The following EEF2K variants were observed in gnomAD, a reference collection of about 807,000 sequenced individuals.
EEF2K encodes alternative protein EEF2K.
EEF2K carries 70 observed loss-of-function variants against 93.8 expected under a neutral mutation model. The observed-to-expected ratio is 0.75, with a 90% confidence interval of 0.62 to 0.91. The LOEUF is 0.91. Among genes scored for constraint, EEF2K ranks in the 40% least tolerant of loss-of-function variants. The pLI, the probability that EEF2K is intolerant of heterozygous loss-of-function variation, is 0.00. For missense variants in EEF2K, 935 were observed against 972.9 expected (o/e 0.96, Z 0.52); for synonymous variants, 376 against 380.8 (o/e 0.99, Z 0.15).
intron 3 of EEF2K, among the ~76,000 whole-genome samples, chr16:22,246,895 G>A (rs1318519259): frequency 6.6e-6 from 1 of 151,472 alleles, no homozygotes; most frequent in African/African-American, 2.4e-5. Context: ...AAAATTAGTT[G>A]GGCACGGTGG....
chr16:22,263,148 G>A lies in EEF2K; in HGVS notation c.1338G>A (p.Glu446=), dbSNP rs1182206098. The A allele has an allele frequency of 1.9e-6, 3 of 1,612,904 alleles. No homozygotes were observed. The highest frequency in any genetic ancestry group is 2.5e-6 in the Non-Finnish European group (3 of 1,179,464). Residue 446 remains glutamate, a synonymous_variant, in exon 12 of 18, where the codon GAG becomes GAA. Transcript: ENST00000263026. The stretch of plus-strand genomic sequence containing the variant: ...GTGGGGACAGCGGATACCCCAGTGA[G>A]AAGCGGGGTGAGCTGGATGACCCTG... ...ENSGDSGYPS[E]KRGELDDPEP...
intron 16 of EEF2K, among the ~76,000 whole-genome samples, chr16:22,276,990 G>A (rs920247558): frequency 1.2e-4 from 18 of 152,064 alleles, no homozygotes; most frequent in East Asian, 5.8e-4. Flanking sequence ...ACTTAAACCC[G>A]GGAGGCAGAG....
At position 22,264,917 on chromosome 16, in the gene EEF2K, C is replaced by G. The variant is rs750511014; in HGVS notation, c.1440+37C>G. The G allele has an allele frequency of 3.1e-6, 5 of 1,610,948 alleles. No homozygotes were observed. In the Admixed American group the frequency reaches 8.3e-5, roughly 27 times the overall value. ...TGAGGCACCCTTGTCTCTGCCTCTT[C>G]CCTGTCTCCTCCAGGCTCTGTTGCT... On this transcript the variant is annotated intron_variant, in intron 13 of 17. Transcript: ENST00000263026.
At chr16:22,224,725 G>A (rs113707836) in intron 1 of EEF2K, among the ~76,000 whole-genome samples, 1 of 152,174 alleles carries the variant, frequency 6.6e-6, no homozygotes, top group Non-Finnish European at 1.5e-5. Flanking sequence ...GGCCCAGGCA[G>A]GAGGATCACC....
intron 6 of EEF2K, among the ~76,000 whole-genome samples, chr16:22,252,314 C>G (rs1255360746): frequency 6.6e-6 from 1 of 152,196 alleles, no homozygotes; most frequent in Admixed American, 6.6e-5. Flanking sequence ...GAATCTTCCT[C>G]CATCTCTGGC....
chr16:22,245,845 ATG>A (rs1256992497), intron 3 of EEF2K, among the ~76,000 whole-genome samples: 1 of 152,026 alleles, frequency 6.6e-6, no homozygotes, highest in Non-Finnish European at 1.5e-5. Flanking sequence ...TGAGCTCAAA[ATG>A]TGTGGCGGTT....
chr16:22,282,206 A>G (rs1370192207), intron 17 of EEF2K, among the ~76,000 whole-genome samples: 2 of 152,214 alleles, frequency 1.3e-5, no homozygotes, highest in Non-Finnish European at 2.9e-5. Flanking sequence ...TCAAAAAACA[A>G]CAAAAAAAAT....
intron 2 of EEF2K, among the ~76,000 whole-genome samples, chr16:22,237,126 G>A (rs1332641987): frequency 6.6e-6 from 1 of 150,780 alleles, no homozygotes; most frequent in African/African-American, 2.4e-5. Context: ...TATATTTTTT[G>A]TAGAGAGGGG....
intron 16 of EEF2K, among the ~76,000 whole-genome samples, chr16:22,275,935 C>G (rs548645093): frequency 3.3e-5 from 5 of 151,880 alleles, no homozygotes; most frequent in African/African-American, 4.8e-5. Flanking sequence ...AGCCACCATG[C>G]CTGGCCTATT....
In EEF2K at chr16:22,285,914, G is replaced by C. The variant is rs187725588; in HGVS notation, c.*1918G>C. The C allele has an allele frequency of 2.6e-5, 4 of 151,968 alleles. No individual in the cohort carries two copies. Among genetic ancestry groups the C allele is most frequent in the African/African-American group, 9.7e-5 (4 of 41,368 alleles). 9.4% of individuals were successfully genotyped at this position (151,968 alleles called of 1,614,324 possible). A position where few individuals can be genotyped will look rare whatever the true frequency, so the allele number is the denominator to read the frequency against. The stretch of plus-strand genomic sequence containing the variant: ...TCACTGTGTTGCCCAGGCTGGTCTC[G>C]AACTCCTGGACTTAAGTGAGCCTCC... On this transcript the variant is annotated 3_prime_UTR_variant, in exon 18 of 18. Coordinates refer to ENST00000263026, the MANE Select transcript of EEF2K (RefSeq NM_013302.5).
chr16:22,245,721 T>C (rs2047282107), intron 3 of EEF2K, among the ~76,000 whole-genome samples: 2 of 152,086 alleles, frequency 1.3e-5, no homozygotes, highest in Admixed American at 6.6e-5. Flanking sequence ...AAAGGAGAGA[T>C]GGAAATGTTC....
chr16:22,262,992 A>G (rs1434836044), intron 11 of EEF2K, 118 bp from the exon 12 acceptor site: 3 of 820,182 alleles, frequency 3.7e-6, no homozygotes, highest in African/African-American at 3.6e-5. Context: ...CAGCAGGAGC[A>G]GGGTGTTAGG....
chr16:22,252,574 G>T (rs1304305639), intron 6 of EEF2K, among the ~76,000 whole-genome samples: 1 of 152,296 alleles, frequency 6.6e-6, no homozygotes, highest in Middle Eastern at 3.4e-3. Context: ...TGCCCTTAGA[G>T]CTAGGAATGT....
chr16:22,225,543 AC>A, intron 1 of EEF2K, 110 bp from the exon 2 acceptor site: 1 of 844,608 alleles, frequency 1.2e-6, no homozygotes. Context: ...TCTAGGTTTT[AC>A]CCCAAGGGTG....
In EEF2K at chr16:22,250,663, C is replaced by T. The variant is rs781279099; in HGVS notation, c.418C>T (p.Arg140Ter). The T allele has an allele frequency of 5.0e-6, 8 of 1,614,046 alleles. No homozygotes were observed. Among genetic ancestry groups the T allele is most frequent in the Admixed American group, 1.7e-5 (1 of 59,988 alleles). Residue 140 changes from arginine to a stop codon, truncating the protein, a stop_gained, in exon 5 of 18, where the codon CGA (arginine) becomes TGA (stop). Coordinates refer to ENST00000263026, the MANE Select transcript of EEF2K (RefSeq NM_013302.5). LOFTEE classifies it high-confidence loss of function. ...LIKMASQPFG[R>*]GAMRECFRTK... Reference sequence around the variant, plus strand: ...GTGTGGTGTCTTTCAGCCCTTCGGCCGAGGAGCAATGAGGGAGTGCTTCCG... The same window carrying T: ...GTGTGGTGTCTTTCAGCCCTTCGGCTGAGGAGCAATGAGGGAGTGCTTCCG...
At chr16:22,264,164 C>A (rs147592976) in intron 12 of EEF2K, among the ~76,000 whole-genome samples, 8 of 151,700 alleles carry the variant, frequency 5.3e-5, no homozygotes, top group Non-Finnish European at 1.2e-4. Context: ...CAGTGGTGCA[C>A]TCCTCTAGTC....
At chr16:22,266,315 G>A in intron 13 of EEF2K, 75 bp from the exon 14 acceptor site, 1 of 1,545,556 alleles carries the variant, frequency 6.5e-7, no homozygotes, top group Admixed American at 2.0e-5. Flanking sequence ...CTCCTGTGTA[G>A]TAGGGGCTGC....
rs1268071833 is a variant in EEF2K, at chr16:22,225,610, C to T, written c.-76-44C>T. ...GGTGAGGGTCGGGCGAATTCGCAGC[C>T]CTGGGCCCCAGCACCCACTCTCTGG... On this transcript the variant is annotated intron_variant, in intron 1 of 17. Coordinates refer to ENST00000263026, the MANE Select transcript of EEF2K (RefSeq NM_013302.5). 5.8e-5 allele frequency: 86 copies of T among 1,475,496 alleles called. No homozygotes were observed. The South Asian group carries it at 8.3e-4, about 14-fold the overall frequency. The allele number at this position is 1,475,496 out of a possible 1,614,324, so 91.4% of individuals were successfully genotyped here. A position where few individuals can be genotyped will look rare whatever the true frequency, so the allele number is the denominator to read the frequency against.
At chr16:22,214,295 C>A (rs934906866) in intron 1 of EEF2K, among the ~76,000 whole-genome samples, 3 of 151,698 alleles carry the variant, frequency 2.0e-5, no homozygotes, top group Non-Finnish European at 4.4e-5. Flanking sequence ...TGCATGTAAT[C>A]AACTTTGGGA....
Sources: gnomAD v4.1 joint callset for allele counts (sites outside exome capture counted in the v4.1 genomes callset) on GRCh38, gnomAD v4.1.1 for gene constraint, MANE v1.5 for transcripts, NCBI Gene and HGNC (gene_info 2026-07-23, HGNC 2026-07-21) for gene names.